Variants in ABCB1 observed in about 807,000 individuals in gnomAD.
ABCB1 encodes ATP-dependent translocase ABCB1.
A neutral mutation model predicts 142.0 loss-of-function variants in ABCB1; 69 were observed. The ratio of observed to expected loss-of-function variants is 0.49; its 90% CI spans 0.40 to 0.59. The LOEUF (loss-of-function observed/expected upper bound fraction) is 0.59, where lower values mean the gene tolerates loss of function less well. Among genes scored for constraint, ABCB1 ranks in the 20% least tolerant of loss-of-function variants. The pLI, the probability that ABCB1 is intolerant of heterozygous loss-of-function variation, is 0.00. For synonymous variants in ABCB1, 532 were observed against 539.2 expected, an observed-to-expected ratio of 0.99 and a Z score of 0.18; for missense variants, 1,326 against 1,554.7, an observed-to-expected ratio of 0.85 and a Z score of 2.47.
At chr7:87,628,606 T>C (rs1584940014) in intron 1 of ABCB1, 2 of 358,808 alleles carry the variant, frequency 5.6e-6, no homozygotes, top group Non-Finnish European at 9.9e-6. Flanking sequence ...TGTGTGTGTG[T>C]GTGTGTGTGT....
chr7:87,532,030 T>G (rs368382359), intron 20 of ABCB1, among the ~76,000 whole-genome samples: 1 of 151,936 alleles, frequency 6.6e-6, no homozygotes, highest in Non-Finnish European at 1.5e-5. Flanking sequence ...CCAGAGGGAG[T>G]CTGAAGCATG....
chr7:87,615,106 G>T (rs535085646), intron 1 of ABCB1, among the ~76,000 whole-genome samples: 23 of 152,252 alleles, frequency 1.5e-4, no homozygotes, highest in African/African-American at 5.5e-4. Context: ...CAAAGTGATG[G>T]AATTACAGGT....
intron 1 of ABCB1, among the ~76,000 whole-genome samples, chr7:87,622,437 A>G (rs762439807): frequency 4.6e-5 from 7 of 152,220 alleles, no homozygotes; most frequent in African/African-American, 1.4e-4. Context: ...AGAGTGAGCA[A>G]GAGTGCAAGA....
chr7:87,504,611 C>A (rs765953131), intron 27 of ABCB1, among the ~76,000 whole-genome samples, 162 bp from the exon 28 acceptor site: 1 of 152,124 alleles, frequency 6.6e-6, no homozygotes, highest in Non-Finnish European at 1.5e-5. Context: ...TGAGACCATC[C>A]TGGCTAACAC....
intron 19 of ABCB1, among the ~76,000 whole-genome samples, chr7:87,538,916 C>G (rs139596740): frequency 1.3e-5 from 2 of 152,108 alleles, no homozygotes; most frequent in African/African-American, 4.8e-5. Context: ...AAGAAACACT[C>G]GTGCCCTGGG....
chr7:87,707,209 A>T (rs1829679211), intron 1 of ABCB1, among the ~76,000 whole-genome samples: 1 of 152,178 alleles, frequency 6.6e-6, no homozygotes, highest in Non-Finnish European at 1.5e-5. Context: ...CAGGCACATC[A>T]AGAAACAAGA....
chr7:87,678,877 A>C (rs1024403532), intron 1 of ABCB1, among the ~76,000 whole-genome samples: 1 of 152,168 alleles, frequency 6.6e-6, no homozygotes, highest in Non-Finnish European at 1.5e-5. Context: ...CCAAGAAGAC[A>C]GAACAAAACC....
At chr7:87,620,570 C>A (rs1167140459) in intron 1 of ABCB1, among the ~76,000 whole-genome samples, 1 of 152,008 alleles carries the variant, frequency 6.6e-6, no homozygotes, top group African/African-American at 2.4e-5. Flanking sequence ...AATTGGTATT[C>A]CAGTATTTTA....
At chr7:87,536,688 CTT>C in intron 19 of ABCB1, 147 bp from the exon 20 acceptor site, 1 of 732,052 alleles carries the variant, frequency 1.4e-6, no homozygotes, top group Non-Finnish European at 2.4e-6. Flanking sequence ...AAGAAAGAAA[CTT>C]AATATAAAAA....
intron 26 of ABCB1, among the ~76,000 whole-genome samples, chr7:87,507,576 A>G (rs1814803825): frequency 6.6e-6 from 1 of 151,992 alleles, no homozygotes; most frequent in African/African-American, 2.4e-5. Context: ...AGACAAGGCC[A>G]CCTCCCTGGG....
At chr7:87,611,256 T>C (rs774287541) in intron 1 of ABCB1, among the ~76,000 whole-genome samples, 1 of 152,162 alleles carries the variant, frequency 6.6e-6, no homozygotes, top group Non-Finnish European at 1.5e-5. Flanking sequence ...ACCAGTCTTC[T>C]GTCAGCTCCT....
chr7:87,710,192 T>C (rs1829944465), intron 1 of ABCB1, among the ~76,000 whole-genome samples: 1 of 152,166 alleles, frequency 6.6e-6, no homozygotes, highest in African/African-American at 2.4e-5. Context: ...GAGAACTCTG[T>C]TTTTCATGAT....
intron 3 of ABCB1, among the ~76,000 whole-genome samples, chr7:87,590,682 A>G (rs1818965923): frequency 6.6e-6 from 1 of 152,216 alleles, no homozygotes; most frequent in Admixed American, 6.5e-5. Flanking sequence ...GCAAGAGCAG[A>G]GTGAGAGGGA....
chr7:87,624,528 T>C (rs565366889), intron 1 of ABCB1, among the ~76,000 whole-genome samples: 1 of 152,312 alleles, frequency 6.6e-6, no homozygotes, highest in African/African-American at 2.4e-5. Flanking sequence ...GTTCTGCCCA[T>C]TCGGTTCTAC....
intron 21 of ABCB1, 137 bp from the exon 22 acceptor site, chr7:87,521,013 A>AAAAGATACT (rs1293852550): frequency 1.6e-5 from 11 of 702,106 alleles, no homozygotes; most frequent in Admixed American, 2.3e-5. Flanking sequence ...TCTCTGTAGA[A>AAAAGATACT]AAAGATACTA....
At chr7:87,558,502 C>T (rs1259446535) in intron 8 of ABCB1, among the ~76,000 whole-genome samples, 1 of 152,022 alleles carries the variant, frequency 6.6e-6, no homozygotes, top group Non-Finnish European at 1.5e-5. Context: ...CCAATACTTA[C>T]TGTTTTTCTT....
rs762790424 is a variant in ABCB1 at position 87,658,257 on chromosome 7, A to C, written c.-331+54904T>G. Among the ~76,000 whole-genome samples the C allele has an allele frequency of 2.0e-5, 3 of 152,208 alleles. No individual in the cohort carries two copies. The East Asian group carries it at 5.8e-4, about 29-fold the overall frequency. On this transcript the variant is annotated intron_variant, in intron 1 of 28. Coordinates refer to the ABCB1 transcript ENST00000265724. ...TGCTGAAAAAATATGAAACTGAAAA[A>C]GTTCAGTGGATGGACCCAACAGGAA...
intron 3 of ABCB1, among the ~76,000 whole-genome samples, chr7:87,589,781 A>T (rs964198270): frequency 6.7e-6 from 1 of 149,498 alleles, no homozygotes; most frequent in Non-Finnish European, 1.5e-5. Flanking sequence ...TTAAGACCTA[A>T]AAAAAGAAAG....
chr7:87,619,368 G>T (rs1049305636), intron 1 of ABCB1, among the ~76,000 whole-genome samples: 1 of 151,682 alleles, frequency 6.6e-6, no homozygotes. Context: ...CCGAAACCCC[G>T]TCTCTACAAA....
Sources: gnomAD v4.1 joint callset for allele counts (sites outside exome capture counted in the v4.1 genomes callset) on GRCh38, gnomAD v4.1.1 for gene constraint, MANE v1.5 for transcripts, NCBI Gene and HGNC (gene_info 2026-07-23, HGNC 2026-07-21) for gene names.